CERT1: variants seen among roughly 807,000 people sequenced by gnomAD.
CERT1 encodes the protein ceramide transfer protein.
CERT1 carries 31 observed loss-of-function variants against 87.9 expected under a neutral mutation model. The observed-to-expected ratio is 0.35, with a 90% CI of 0.27 to 0.48. The LOEUF is 0.48. Ranked by LOEUF, CERT1 falls within the 20% of genes least tolerant of loss-of-function variation. CERT1 has a pLI of 0.99. For synonymous variants in CERT1, 289 were observed against 250.9 expected, an observed-to-expected ratio of 1.15 and a Z score of -1.44; for missense variants, 487 against 758.0, an observed-to-expected ratio of 0.64 and a Z score of 4.20.
chr5:75,403,239 T>C (rs1011781541), intron 8 of CERT1, among the ~76,000 whole-genome samples, 181 bp from the exon 9 acceptor site: 1 of 152,178 alleles, frequency 6.6e-6, no homozygotes, highest in Non-Finnish European at 1.5e-5. Flanking sequence ...AGTGTTACAA[T>C]TAATTCACTC....
intron 3 of CERT1, among the ~76,000 whole-genome samples, chr5:75,426,905 G>GTA (rs1763641173): frequency 6.6e-6 from 1 of 152,270 alleles, no homozygotes; most frequent in African/African-American, 2.4e-5. Flanking sequence ...CCACAGAACT[G>GTA]TACACTTAAC....
At chr5:75,484,115 T>A (rs550457859) in intron 2 of CERT1, among the ~76,000 whole-genome samples, 1 of 151,822 alleles carries the variant, frequency 6.6e-6, no homozygotes, top group Admixed American at 6.5e-5. Context: ...TTATGAATTC[T>A]CTCTGTTTCT....
intron 5 of CERT1, 81 bp downstream of exon 5, chr5:75,425,280 T>C (rs1382328012): frequency 7.2e-7 from 1 of 1,381,968 alleles, no homozygotes; most frequent in Non-Finnish European, 1.0e-6. Context: ...CTTTATCACT[T>C]AAAGACATTA....
At chr5:75,428,994 C>A (rs1411607453) in intron 3 of CERT1, among the ~76,000 whole-genome samples, 1 of 151,802 alleles carries the variant, frequency 6.6e-6, no homozygotes, top group African/African-American at 2.4e-5. Flanking sequence ...TCCTACTTTA[C>A]ACTAAGTGAC....
chr5:75,418,545 T>C (rs1330963677), intron 6 of CERT1, among the ~76,000 whole-genome samples: 1 of 152,214 alleles, frequency 6.6e-6, no homozygotes, highest in African/African-American at 2.4e-5. Context: ...TGAATGCTCA[T>C]AGCAGTTTTA....
chr5:75,424,463 T>C (rs1488618371), intron 5 of CERT1, among the ~76,000 whole-genome samples: 2 of 151,716 alleles, frequency 1.3e-5, no homozygotes, highest in Non-Finnish European at 2.9e-5. Flanking sequence ...TCCCAGCTAC[T>C]TGGGAGGCTG....
chr5:75,402,632 A>C (rs1469303518), intron 9 of CERT1: 1 of 175,942 alleles, frequency 5.7e-6, no homozygotes, highest in Admixed American at 5.7e-5. Flanking sequence ...CCCCGTCTCT[A>C]CTAAAAACAC....
intron 3 of CERT1, among the ~76,000 whole-genome samples, chr5:75,446,019 A>G (rs1025501472): frequency 6.6e-6 from 1 of 152,160 alleles, no homozygotes; most frequent in African/African-American, 2.4e-5. Flanking sequence ...TTTGGAGTTC[A>G]TTAAACTTCT....
intron 2 of CERT1, among the ~76,000 whole-genome samples, chr5:75,491,548 C>T (rs1268170787): frequency 6.6e-6 from 1 of 152,072 alleles, no homozygotes; most frequent in African/African-American, 2.4e-5. Flanking sequence ...TCCGGTGGTT[C>T]TTCCAGCTCT....
chr5:75,492,468 A>G (rs1400503663), intron 2 of CERT1, among the ~76,000 whole-genome samples: 1 of 152,168 alleles, frequency 6.6e-6, no homozygotes, highest in East Asian at 1.9e-4. Flanking sequence ...GCCCAGGAGG[A>G]AAGACAGGCT....
chr5:75,414,978 T>C (rs1763080113), intron 7 of CERT1, among the ~76,000 whole-genome samples: 1 of 152,144 alleles, frequency 6.6e-6, no homozygotes. Context: ...GAAAGACGTA[T>C]TTGTTGATAA....
intron 11 of CERT1, 70 bp from the exon 12 acceptor site, chr5:75,389,757 C>T: frequency 8.8e-7 from 1 of 1,135,572 alleles, no homozygotes; most frequent in Non-Finnish European, 1.3e-6. Context: ...GAATGGTCTT[C>T]AGTTAACTTC....
At chr5:75,493,132 G>A (rs1178992173) in intron 2 of CERT1, among the ~76,000 whole-genome samples, 1 of 152,108 alleles carries the variant, frequency 6.6e-6, no homozygotes, top group Non-Finnish European at 1.5e-5. Context: ...TGTGTCTGTG[G>A]ATGTATTTTA....
chr5:75,474,803 C>T (rs1765883883), intron 2 of CERT1, among the ~76,000 whole-genome samples: 1 of 151,776 alleles, frequency 6.6e-6, no homozygotes, highest in African/African-American at 2.4e-5. Flanking sequence ...GCTCCTATGC[C>T]TTCTTCTACT....
At chr5:75,388,825 G>A (rs1761919334) in intron 12 of CERT1, among the ~76,000 whole-genome samples, 2 of 151,520 alleles carry the variant, frequency 1.3e-5, no homozygotes, top group Admixed American at 6.6e-5. Context: ...GGGTTTCACC[G>A]TGTTGCCCAG....
rs561898265 is a variant in CERT1 at position 75,421,473 on chromosome 5, C to T, written c.596-2049G>A. Among the ~76,000 whole-genome samples the T allele has an allele frequency of 2.4e-4, 37 of 152,244 alleles. No individual in the cohort carries two copies. In the South Asian group the frequency reaches 7.3e-3, roughly 30 times the overall value. On this transcript the variant is annotated intron_variant, in intron 5 of 16. Transcript: ENST00000643780. The stretch of plus-strand genomic sequence containing the variant: ...GTATTCATTTCTACCTGGCTGTGAT[C>T]TCAATATTCAATTCTTTTTCTTTTC...
In CERT1 at chr5:75,381,124, G is replaced by A. The variant is rs1180818341; in HGVS notation, c.1695C>T (p.Asn565=). Residue 565 remains asparagine, a synonymous_variant, in exon 16 of 17, where the codon AAC becomes AAT. Coordinates refer to ENST00000643780, the MANE Select transcript of CERT1 (RefSeq NM_001379029.1). ...CQTLVSPPEG[N]QEISRDNILC... ...GAATGTTGTCCCTGCTAATTTCCTG[G>A]TTTCCCTCTGGTGGGCTTACCAAGG... The A allele has an allele frequency of 6.2e-7, 1 of 1,613,954 alleles. No homozygotes were observed. The highest frequency in any genetic ancestry group is 1.1e-5 in the South Asian group (1 of 91,076).
chr5:75,410,526 C>T (rs1406942509), intron 8 of CERT1, among the ~76,000 whole-genome samples: 2 of 151,060 alleles, frequency 1.3e-5, no homozygotes, highest in Admixed American at 6.6e-5. Context: ...AGGAGAATGG[C>T]GTGAACCCGG....
At chr5:75,402,787 G>C in intron 9 of CERT1, 185 bp downstream of exon 9, 1 of 431,498 alleles carries the variant, frequency 2.3e-6, no homozygotes, top group Non-Finnish European at 4.2e-6. Context: ...GCAACAGAGC[G>C]AGACTCTGTC....
Sources: allele counts gnomAD v4.1 joint callset (sites outside exome capture counted in the v4.1 genomes callset), GRCh38; gene constraint gnomAD v4.1.1; transcripts MANE v1.5; gene names NCBI Gene and HGNC (gene_info 2026-07-23, HGNC 2026-07-21).